SEMA3A: variants seen among roughly 807,000 people sequenced by gnomAD.
The protein encoded by SEMA3A is semaphorin-3A.
Under a neutral mutation model 97.9 loss-of-function variants are expected in SEMA3A, and 29 were observed. That is an observed-to-expected ratio of 0.30 (90% CI 0.22 to 0.40). The LOEUF (loss-of-function observed/expected upper bound fraction) is 0.40, where lower values mean the gene tolerates loss of function less well. Among genes scored for constraint, SEMA3A ranks in the 10% least tolerant of loss-of-function variants. SEMA3A has a pLI of 1.00. For synonymous variants in SEMA3A, 321 were observed against 323.7 expected, an observed-to-expected ratio of 0.99 and a Z score of 0.09; for missense variants, 763 against 951.3, an observed-to-expected ratio of 0.80 and a Z score of 2.60.
chr7:84,357,277 C>A lies in SEMA3A; in HGVS notation c.-169+14547G>T, dbSNP rs2522372. On this transcript the variant is annotated intron_variant, in intron 2 of 3. Transcript: ENST00000424555. The stretch of plus-strand genomic sequence containing the variant: ...TATATCTCCTAATGCTATGCCTCCC[C>A]GCCCCACCCCCCCTCCACCCACAAC... 5.9e-3 allele frequency among the ~76,000 whole-genome samples: 878 copies of A among 148,746 alleles called. 15 individuals carry two copies. Among genetic ancestry groups the A allele is most frequent in the African/African-American group, 0.02 (816 of 39,884 alleles).
intron 3 of SEMA3A, among the ~76,000 whole-genome samples, chr7:84,202,906 TG>T (rs1042014977): frequency 6.6e-6 from 1 of 152,180 alleles, no homozygotes; most frequent in Non-Finnish European, 1.5e-5. Flanking sequence ...TGGCATAATG[TG>T]CTTAATTTTT....
intron 1 of SEMA3A, among the ~76,000 whole-genome samples, chr7:84,152,651 C>T (rs1214845950): frequency 2.0e-5 from 3 of 149,612 alleles, no homozygotes; most frequent in Non-Finnish European, 3.0e-5. Context: ...ATGTAACTAA[C>T]CTGCACAATG....
chr7:84,047,620 C>G (rs538218652), intron 5 of SEMA3A, among the ~76,000 whole-genome samples: 3 of 152,122 alleles, frequency 2.0e-5, no homozygotes, highest in African/African-American at 4.8e-5. Flanking sequence ...TTTCTACATA[C>G]AGTGAGTTAT....
chr7:84,007,757 CAT>C (rs1321651658), intron 9 of SEMA3A, among the ~76,000 whole-genome samples: 1 of 151,978 alleles, frequency 6.6e-6, no homozygotes, highest in African/African-American at 2.4e-5. Flanking sequence ...TCATATGAAA[CAT>C]AGAGTACTAA....
At chr7:84,191,492 T>G (rs1315258744) in intron 1 of SEMA3A, among the ~76,000 whole-genome samples, 2 of 151,782 alleles carry the variant, frequency 1.3e-5, no homozygotes, top group Non-Finnish European at 3.0e-5. Flanking sequence ...CAAACCCTAA[T>G]TATTTTCTTG....
rs78812105 is a variant in SEMA3A, at chr7:84,091,767, T to G, written c.453+18703A>C. Among the ~76,000 whole-genome samples, 198 of 152,300 alleles carry G rather than the reference T, an allele frequency of 1.3e-3. 1 individual carries two copies. The East Asian group carries it at 0.016, about 13-fold the overall frequency. On this transcript the variant is annotated intron_variant, in intron 4 of 16. Coordinates refer to ENST00000265362, the MANE Select transcript of SEMA3A (RefSeq NM_006080.3). Reference sequence around the variant, plus strand: ...TCAAGATGAATATCCAGAAACTTAATGATGTATTAATAACCGTGAGTGAAG... The same window carrying G: ...TCAAGATGAATATCCAGAAACTTAAGGATGTATTAATAACCGTGAGTGAAG...
chr7:83,985,063 A>G (rs1475315698), intron 13 of SEMA3A, among the ~76,000 whole-genome samples: 1 of 152,108 alleles, frequency 6.6e-6, no homozygotes, highest in Non-Finnish European at 1.5e-5. Context: ...TTTTTTTTAT[A>G]TCCTGAAATA....
At chr7:84,314,115 T>C (rs1055798461) in intron 2 of SEMA3A, among the ~76,000 whole-genome samples, 3 of 152,088 alleles carry the variant, frequency 2.0e-5, no homozygotes, top group Non-Finnish European at 4.4e-5. Flanking sequence ...TTTTACCCTT[T>C]CTATGTGTGT....
intron 5 of SEMA3A, among the ~76,000 whole-genome samples, chr7:84,051,151 C>T (rs912453547): frequency 1.8e-4 from 27 of 148,724 alleles, no homozygotes; most frequent in African/African-American, 6.4e-4. Flanking sequence ...TGTGATGCCT[C>T]CAGCTTTGTT....
chr7:84,045,214 T>A (rs1341812461), intron 6 of SEMA3A, among the ~76,000 whole-genome samples: 1 of 151,952 alleles, frequency 6.6e-6, no homozygotes. Flanking sequence ...GAAAACTAAG[T>A]GTGGCAGAAG....
chr7:84,301,879 C>G (rs1801026742), intron 3 of SEMA3A, among the ~76,000 whole-genome samples: 1 of 152,106 alleles, frequency 6.6e-6, no homozygotes, highest in Non-Finnish European at 1.5e-5. Flanking sequence ...GTCATTTCTT[C>G]AAAGTTAAAC....
chr7:84,038,861 T>C (rs1422140577), intron 6 of SEMA3A, among the ~76,000 whole-genome samples: 1 of 152,164 alleles, frequency 6.6e-6, no homozygotes, highest in Non-Finnish European at 1.5e-5. Flanking sequence ...TGTTTATAAT[T>C]TCATTGTTTC....
chr7:84,359,539 G>C (rs1006969146), intron 2 of SEMA3A, among the ~76,000 whole-genome samples: 40 of 152,152 alleles, frequency 2.6e-4, no homozygotes, highest in African/African-American at 9.2e-4. Context: ...GATTCGGTTT[G>C]CCAGTATTTT....
chr7:84,463,131 CTCTT>C (rs1425155962), intron 1 of SEMA3A, among the ~76,000 whole-genome samples: 1 of 151,674 alleles, frequency 6.6e-6, no homozygotes, highest in Admixed American at 6.6e-5. Flanking sequence ...TTTAATATCT[CTCTT>C]TCCTCAGCAC....
chr7:84,032,763 T>G (rs2116468473), intron 6 of SEMA3A, among the ~76,000 whole-genome samples: 2 of 151,750 alleles, frequency 1.3e-5, no homozygotes, highest in South Asian at 2.1e-4. Flanking sequence ...TAATAATTAT[T>G]TATTTATTTA....
chr7:84,052,133 T>C (rs1435274784), intron 5 of SEMA3A, among the ~76,000 whole-genome samples: 3 of 152,124 alleles, frequency 2.0e-5, no homozygotes, highest in African/African-American at 7.2e-5. Flanking sequence ...TTGAGGATTT[T>C]TGCATCAATG....
At chr7:84,369,222 A>G (rs967244242) in intron 2 of SEMA3A, among the ~76,000 whole-genome samples, 1 of 151,004 alleles carries the variant, frequency 6.6e-6, no homozygotes, top group Non-Finnish European at 1.5e-5. Context: ...TTTCTTATAA[A>G]TATGTATTTT....
chr7:84,051,441 G>T (rs916923089), intron 5 of SEMA3A, among the ~76,000 whole-genome samples: 46 of 152,262 alleles, frequency 3.0e-4, no homozygotes, highest in African/African-American at 4.8e-4. Flanking sequence ...TTGTAAGTTG[G>T]ATTCCTAGGT....
intron 12 of SEMA3A, among the ~76,000 whole-genome samples, chr7:83,986,759 T>C (rs1789648335): frequency 6.6e-6 from 1 of 152,130 alleles, no homozygotes; most frequent in Non-Finnish European, 1.5e-5. Context: ...TGGATTCAAA[T>C]TGTGATTCAA....
Sources: allele counts gnomAD v4.1 joint callset (sites outside exome capture counted in the v4.1 genomes callset), GRCh38; gene constraint gnomAD v4.1.1; transcripts MANE v1.5; gene names NCBI Gene and HGNC (gene_info 2026-07-23, HGNC 2026-07-21).